The following OTOGL variants were observed in gnomAD, a reference collection of about 807,000 sequenced individuals.
OTOGL encodes otogelin like, also known as otogelin-like protein.
Under a neutral mutation model 318.5 loss-of-function variants are expected in OTOGL, and 285 were observed. The observed-to-expected ratio is 0.89, with a 90% confidence interval of 0.81 to 0.99. OTOGL has a LOEUF of 0.99. OTOGL is among the 50% of genes least tolerant of loss of function. The pLI, the probability that OTOGL is intolerant of heterozygous loss-of-function variation, is 0.00. For missense variants in OTOGL, 2,899 were observed against 2,845.6 expected (o/e 1.02, Z -0.43); for synonymous variants, 987 against 936.5 (o/e 1.05, Z -0.99).
chr12:80,353,507 T>G lies in OTOGL; in HGVS notation c.5590T>G (p.Cys1864Gly), dbSNP rs747117250. The G allele has an allele frequency of 6.5e-7, 1 of 1,548,366 alleles. No homozygotes were observed. The highest frequency in any genetic ancestry group is 8.7e-7 in the Non-Finnish European group (1 of 1,145,752). Residue 1864 changes from cysteine (C) to glycine (G), a missense_variant, in exon 46 of 59, where the codon TGT becomes GGT. Coordinates refer to ENST00000547103, the MANE Select transcript of OTOGL (RefSeq NM_001378609.3). Reference protein sequence around the residue: ...HSAQCIPEKECACTDSEDQPR... With the variant: ...HSAQCIPEKEGACTDSEDQPR... ...AGCCCAGTGCATTCCAGAGAAAGAG[T>G]GTGGTAAGACACAAAGTACAAAATG...
chr12:80,125,003 C>T (rs539475385), intron 1 of OTOGL, among the ~76,000 whole-genome samples: 4 of 152,192 alleles, frequency 2.6e-5, no homozygotes, highest in Admixed American at 2.6e-4. Context: ...ATTTGACTTC[C>T]TCTTTTCCTA....
At chr12:80,251,582 A>T in intron 11 of OTOGL, 111 bp from the exon 12 acceptor site, 1 of 714,458 alleles carries the variant, frequency 1.4e-6, no homozygotes. Context: ...GACATCAATT[A>T]ACATCGGAGT....
chr12:80,350,118 CT>C (rs1308165307), intron 44 of OTOGL, among the ~76,000 whole-genome samples: 4 of 152,136 alleles, frequency 2.6e-5, no homozygotes, highest in African/African-American at 9.7e-5. Context: ...ATAAGATCAA[CT>C]TTTTTAGTTT....
At chr12:80,367,017 C>T (rs1383027782) in intron 53 of OTOGL, among the ~76,000 whole-genome samples, 2 of 151,900 alleles carry the variant, frequency 1.3e-5, no homozygotes, top group African/African-American at 2.4e-5. Context: ...TGCTCTGTTA[C>T]CCAGGCTGGA....
chr12:80,329,989 G>T (rs1255421648), intron 37 of OTOGL, among the ~76,000 whole-genome samples: 2 of 152,170 alleles, frequency 1.3e-5, no homozygotes, highest in East Asian at 1.9e-4. Flanking sequence ...GAAGACAGAA[G>T]TTGGGTAGGC....
intron 1 of OTOGL, among the ~76,000 whole-genome samples, chr12:80,130,175 T>C (rs1871151135): frequency 6.6e-6 from 1 of 152,216 alleles, no homozygotes; most frequent in Non-Finnish European, 1.5e-5. Flanking sequence ...CCCAAAACAA[T>C]TTTTATTGAA....
intron 5 of OTOGL, 81 bp from the exon 6 acceptor site, chr12:80,219,733 T>G: frequency 1.1e-6 from 1 of 890,936 alleles, no homozygotes; most frequent in Non-Finnish European, 1.8e-6. Context: ...TTACAATTTG[T>G]CCAAGCTATA....
chr12:80,353,632 T>A (rs1207101765), intron 46 of OTOGL, 122 bp downstream of exon 46: 1 of 790,434 alleles, frequency 1.3e-6, no homozygotes, highest in Non-Finnish European at 1.8e-6. Context: ...GGAAAGGAAA[T>A]GAGTTTGTTT....
intron 1 of OTOGL, among the ~76,000 whole-genome samples, chr12:80,200,849 A>G (rs1467252751): frequency 6.6e-6 from 1 of 152,248 alleles, no homozygotes; most frequent in Non-Finnish European, 1.5e-5. Flanking sequence ...TCATACAGAA[A>G]TAAATATATA....
At chr12:80,283,844 G>C (rs1201362884) in intron 26 of OTOGL, among the ~76,000 whole-genome samples, 1 of 151,930 alleles carries the variant, frequency 6.6e-6, no homozygotes, top group East Asian at 1.9e-4. Flanking sequence ...CTGTAGTAGG[G>C]TTTTGGGCTC....
intron 1 of OTOGL, among the ~76,000 whole-genome samples, chr12:80,184,423 A>G (rs1012088298): frequency 2.6e-4 from 40 of 152,198 alleles, no homozygotes; most frequent in Non-Finnish European, 8.8e-5. Context: ...TGATAGTAAA[A>G]GACGTATTTT....
At chr12:80,289,455 C>T (rs908811665) in intron 26 of OTOGL, among the ~76,000 whole-genome samples, 9 of 152,182 alleles carry the variant, frequency 5.9e-5, no homozygotes, top group Non-Finnish European at 8.8e-5. Flanking sequence ...TCGTCAGAGC[C>T]AGCAGGCACA....
chr12:80,289,072 G>C (rs1884845304), intron 26 of OTOGL, among the ~76,000 whole-genome samples: 1 of 152,148 alleles, frequency 6.6e-6, no homozygotes, highest in East Asian at 1.9e-4. Context: ...ATGGCCTTTG[G>C]ATGGGGATTT....
At chr12:80,360,673 G>A (rs1005625263) in intron 52 of OTOGL, among the ~76,000 whole-genome samples, 10 of 151,716 alleles carry the variant, frequency 6.6e-5, no homozygotes, top group Non-Finnish European at 1.0e-4. Context: ...GTAGAGACGG[G>A]GTTTCACCAT....
At chr12:80,323,586 T>C in intron 34 of OTOGL, 137 bp from the exon 35 acceptor site, 2 of 645,144 alleles carry the variant, frequency 3.1e-6, no homozygotes, top group Non-Finnish European at 5.4e-6. Flanking sequence ...GAGGCAGAGG[T>C]TGTGGTGAAT....
chr12:80,121,519 A>G (rs1870487483), intron 1 of OTOGL, among the ~76,000 whole-genome samples: 1 of 152,180 alleles, frequency 6.6e-6, no homozygotes, highest in Non-Finnish European at 1.5e-5. Context: ...CAGAGAGTCT[A>G]TATAACACAA....
At chr12:80,253,597 A>G (rs758220998) in intron 14 of OTOGL, 23 bp downstream of exon 14, 5 of 1,556,962 alleles carry the variant, frequency 3.2e-6, no homozygotes, top group Middle Eastern at 1.7e-4. Context: ...TGTGCAGCCA[A>G]TTATTTCTGG....
At chr12:80,262,241 C>G (rs1014729847) in intron 19 of OTOGL, 148 bp downstream of exon 19, 20 of 858,700 alleles carry the variant, frequency 2.3e-5, no homozygotes, top group Admixed American at 3.9e-5. Context: ...TTTTTTTTTG[C>G]TTAATATTAT....
At chr12:80,133,901 C>A (rs937092045) in intron 1 of OTOGL, among the ~76,000 whole-genome samples, 4 of 152,002 alleles carry the variant, frequency 2.6e-5, no homozygotes, top group African/African-American at 9.7e-5. Context: ...TGCCACTGCA[C>A]TCTGGCCTGG....
Sources: gnomAD v4.1 joint callset for allele counts (sites outside exome capture counted in the v4.1 genomes callset) on GRCh38, gnomAD v4.1.1 for gene constraint, MANE v1.5 for transcripts, NCBI Gene and HGNC (gene_info 2026-07-23, HGNC 2026-07-21) for gene names.